FGGY: variants seen among roughly 807,000 people sequenced by gnomAD.
FGGY encodes FGGY carbohydrate kinase domain containing.
Under a neutral mutation model 71.3 loss-of-function variants are expected in FGGY, and 72 were observed. The ratio of observed to expected loss-of-function variants is 1.01; its 90% CI spans 0.84 to 1.23. The LOEUF is 1.23. Ranked by LOEUF, FGGY falls within the 50% of genes most tolerant of loss-of-function variation. The probability of loss-of-function intolerance (pLI) is 0.00; values close to 1 mark genes in which losing one functional copy is unlikely to be tolerated. For missense variants in FGGY, 668 were observed against 682.3 expected (o/e 0.98, Z 0.23); for synonymous variants, 251 against 250.3 (o/e 1.00, Z -0.02).
intron 3 of FGGY, among the ~76,000 whole-genome samples, chr1:59,340,993 A>G (rs1170794569): frequency 6.6e-6 from 1 of 152,148 alleles, no homozygotes; most frequent in Non-Finnish European, 1.5e-5. Flanking sequence ...TTGCAAACAT[A>G]TTTGGGGCTA....
chr1:59,555,117 C>T (rs929823282), intron 8 of FGGY, among the ~76,000 whole-genome samples: 5 of 152,176 alleles, frequency 3.3e-5, no homozygotes, highest in Admixed American at 3.3e-4. Context: ...CATGTACTTA[C>T]TTATCAATCC....
In FGGY at chr1:59,381,400, C is replaced by T. The variant is rs1020912071; in HGVS notation, c.554+2563C>T. 7.2e-5 allele frequency among the ~76,000 whole-genome samples: 11 copies of T among 152,224 alleles called. No individual in the cohort carries two copies. In the East Asian group the frequency reaches 2.1e-3, roughly 29 times the overall value. ...ACCTTGGGCGGTATGGCCATTTTCACAATATTGATTCAATAAGCTTTTTTC... is the reference window on the plus strand; with the variant it reads ...ACCTTGGGCGGTATGGCCATTTTCATAATATTGATTCAATAAGCTTTTTTC... On this transcript the variant is annotated intron_variant, in intron 5 of 15. Coordinates refer to ENST00000303721, the MANE Select transcript of FGGY (RefSeq NM_018291.5).
At chr1:59,378,099 A>T (rs926118597) in intron 4 of FGGY, among the ~76,000 whole-genome samples, 1 of 152,078 alleles carries the variant, frequency 6.6e-6, no homozygotes, top group Non-Finnish European at 1.5e-5. Context: ...CTGAAATCTT[A>T]TATGTCCATC....
chr1:59,463,742 C>T (rs751463183), intron 6 of FGGY, among the ~76,000 whole-genome samples: 24 of 149,796 alleles, frequency 1.6e-4, no homozygotes, highest in Non-Finnish European at 2.8e-4. Flanking sequence ...AGACTTTAAA[C>T]CAACAAAGAT....
chr1:59,410,171 G>A (rs1185871646), intron 5 of FGGY, among the ~76,000 whole-genome samples: 1 of 152,178 alleles, frequency 6.6e-6, no homozygotes, highest in East Asian at 1.9e-4. Context: ...TTCATTTCTA[G>A]CATTATAGGT....
intron 6 of FGGY, among the ~76,000 whole-genome samples, chr1:59,497,489 G>A (rs1196160186): frequency 6.6e-6 from 1 of 152,216 alleles, no homozygotes; most frequent in African/African-American, 2.4e-5. Context: ...TCAGGAGGCT[G>A]AGGCAGGAGA....
At chr1:59,448,443 G>A (rs2071833736) in intron 5 of FGGY, among the ~76,000 whole-genome samples, 1 of 152,076 alleles carries the variant, frequency 6.6e-6, no homozygotes, top group Non-Finnish European at 1.5e-5. Flanking sequence ...AGGCTCTCCT[G>A]GTTCCATTGA....
intron 5 of FGGY, among the ~76,000 whole-genome samples, chr1:59,396,551 A>G (rs561879582): frequency 6.6e-6 from 1 of 152,270 alleles, no homozygotes; most frequent in Admixed American, 6.5e-5. Context: ...AAGTAGCAGA[A>G]TCAGTGAGTG....
intron 6 of FGGY, among the ~76,000 whole-genome samples, chr1:59,464,055 A>T (rs1363571988): frequency 6.6e-6 from 1 of 152,228 alleles, no homozygotes. Context: ...TAATCAACAG[A>T]ATATATGTTC....
intron 1 of FGGY, among the ~76,000 whole-genome samples, chr1:59,312,752 A>T (rs1245559711): frequency 6.6e-6 from 1 of 152,104 alleles, no homozygotes; most frequent in African/African-American, 2.4e-5. Flanking sequence ...CTGCTGTTGG[A>T]CATTACCTGT....
chr1:59,618,066 C>T (rs756310994), intron 9 of FGGY, among the ~76,000 whole-genome samples: 1 of 152,078 alleles, frequency 6.6e-6, no homozygotes, highest in Non-Finnish European at 1.5e-5. Flanking sequence ...CTCCTTCCAT[C>T]GCGTTACAGA....
At chr1:59,721,434 G>A (rs2097894998) in intron 14 of FGGY, among the ~76,000 whole-genome samples, 1 of 143,092 alleles carries the variant, frequency 7.0e-6, no homozygotes, top group Admixed American at 7.6e-5. Flanking sequence ...CACCTCCTAG[G>A]TTCAAGCAAT....
At position 59,344,108 on chromosome 1, in the gene FGGY, G is replaced by A. The variant is rs191754517; in HGVS notation, c.314-2139G>A. ...CTTTGAGCACTTCTGTTAGATAGAG[G>A]AACAATTCTGTTTACAAAAAATTCT... is the stretch of plus-strand genomic sequence containing the variant. On this transcript the variant is annotated intron_variant, in intron 3 of 15. Coordinates refer to ENST00000303721, the MANE Select transcript of FGGY (RefSeq NM_018291.5). 1.3e-3 allele frequency among the ~76,000 whole-genome samples: 192 copies of A among 152,234 alleles called. 2 individuals are homozygous for A. Among genetic ancestry groups the A allele is most frequent in the Middle Eastern group, 3.4e-3 (1 of 294 alleles).
chr1:59,732,746 C>T (rs2098050804), intron 14 of FGGY, among the ~76,000 whole-genome samples: 1 of 152,146 alleles, frequency 6.6e-6, no homozygotes, highest in Non-Finnish European at 1.5e-5. Flanking sequence ...TCGCCCCCAC[C>T]TAGACCACTG....
intron 8 of FGGY, among the ~76,000 whole-genome samples, chr1:59,604,398 G>A (rs1164715246): frequency 2.6e-5 from 4 of 152,170 alleles, no homozygotes. Context: ...TTGTTTCCTT[G>A]CTTTACACAG....
chr1:59,498,041 C>G (rs2094101608), intron 6 of FGGY, among the ~76,000 whole-genome samples: 1 of 152,176 alleles, frequency 6.6e-6, no homozygotes, highest in Admixed American at 6.5e-5. Context: ...GAGGGTCTCC[C>G]TCCTGTACCC....
At chr1:59,403,826 C>T (rs1039484087) in intron 5 of FGGY, among the ~76,000 whole-genome samples, 1 of 152,200 alleles carries the variant, frequency 6.6e-6, no homozygotes, top group Non-Finnish European at 1.5e-5. Context: ...CCCGGCCTCT[C>T]TGCTTCACAC....
intron 7 of FGGY, among the ~76,000 whole-genome samples, chr1:59,535,177 C>G (rs1424880094): frequency 1.3e-5 from 2 of 152,108 alleles, no homozygotes; most frequent in East Asian, 3.9e-4. Flanking sequence ...GCAGGGGTTG[C>G]AATCCTAGTC....
chr1:59,549,180 G>A (rs1040661102), intron 7 of FGGY, among the ~76,000 whole-genome samples: 1 of 152,140 alleles, frequency 6.6e-6, no homozygotes, highest in Non-Finnish European at 1.5e-5. Flanking sequence ...TAAAGCTGGT[G>A]GTCACTAGAG....
Sources: allele counts gnomAD v4.1 joint callset (sites outside exome capture counted in the v4.1 genomes callset), GRCh38; gene constraint gnomAD v4.1.1; transcripts MANE v1.5; gene names NCBI Gene and HGNC (gene_info 2026-07-23, HGNC 2026-07-21).